Variants in ACTN4 observed in about 807,000 individuals in gnomAD.
ACTN4 encodes alpha-actinin-4.
Under a neutral mutation model 114.2 loss-of-function variants are expected in ACTN4, and 18 were observed. That is an observed-to-expected ratio of 0.16 (90% CI 0.11 to 0.23). ACTN4 has a LOEUF of 0.23. ACTN4 is among the 10% of genes least tolerant of loss of function. The probability of loss-of-function intolerance (pLI) is 1.00; values close to 1 mark genes in which losing one functional copy is unlikely to be tolerated. For synonymous variants in ACTN4, 515 were observed against 506.3 expected, an observed-to-expected ratio of 1.02 and a Z score of -0.23; for missense variants, 722 against 1,262.9, an observed-to-expected ratio of 0.57 and a Z score of 6.49.
chr19:38,671,900 GCCTTGAGT>G (rs1441149010), intron 1 of ACTN4, among the ~76,000 whole-genome samples: 1 of 152,182 alleles, frequency 6.6e-6, no homozygotes, highest in Non-Finnish European at 1.5e-5. Context: ...TCTCAGGCTG[GCCTTGAGT>G]CCTTAGATGT....
In ACTN4 at chr19:38,724,101, C is replaced by T; in HGVS notation, c.1692+24C>T. On this transcript the variant is annotated intron_variant, in intron 14 of 20. Coordinates refer to ENST00000252699, the MANE Select transcript of ACTN4 (RefSeq NM_004924.6). The surrounding 1 kb of genome is among the most constrained non-coding windows in gnomAD (Gnocchi z 7.0). ...AGGTTCGCACCCCCCGGCCCCCCAT[C>T]TTCCCAAGAGCCTCTGTGGGGCTGG... 6.2e-7 allele frequency: 1 copy of T among 1,613,690 alleles called. No homozygotes were observed.
chr19:38,708,064 A>G (rs1968519079), intron 5 of ACTN4, 53 bp from the exon 6 acceptor site: 1 of 1,558,974 alleles, frequency 6.4e-7, no homozygotes, highest in Admixed American at 1.7e-5. Context: ...GCCATACGGC[A>G]CTCTCATGAC....
At chr19:38,676,314 A>T (rs1967372808) in intron 1 of ACTN4, among the ~76,000 whole-genome samples, 1 of 152,258 alleles carries the variant, frequency 6.6e-6, no homozygotes, top group African/African-American at 2.4e-5. Context: ...TCCTGGAAGT[A>T]AGATTCCTGG....
At position 38,714,592 on chromosome 19, in the gene ACTN4, AC is replaced by A. The variant is rs768627203; in HGVS notation, c.912+33del. On this transcript the variant is annotated intron_variant, in intron 9 of 20. Transcript: ENST00000252699. ...TGTTCCCCCAGTGAAAGTCAGGGCC[AC>A]CTCATTATCCTCAGCCAGAGGTCAC... 3 of 1,604,632 alleles carry A rather than the reference AC, an allele frequency of 1.9e-6. No homozygotes were observed. The South Asian group carries it at 3.3e-5, about 18-fold the overall frequency.
chr19:38,714,322 G>A lies in ACTN4; in HGVS notation c.820-147G>A, dbSNP rs150457638. 118 of 759,132 alleles carry A rather than the reference G, an allele frequency of 1.6e-4. No individual in the cohort carries two copies. The African/African-American group carries it at 1.8e-3, about 11-fold the overall frequency. The allele number at this position is 759,132 out of a possible 1,614,324, so 47.0% of individuals were successfully genotyped here. ...ATGCCAACAAGGCCTATTGGGACAG[G>A]GCACCATCTCACTGGAGCTGTGCTT... On this transcript the variant is annotated intron_variant, in intron 8 of 20. Coordinates refer to ENST00000252699, the MANE Select transcript of ACTN4 (RefSeq NM_004924.6).
chr19:38,705,401 GC>G (rs1364854845), intron 4 of ACTN4, among the ~76,000 whole-genome samples: 3 of 152,116 alleles, frequency 2.0e-5, no homozygotes, highest in Non-Finnish European at 4.4e-5. Context: ...TTGAAACTTG[GC>G]CCCCATGGAC....
At chr19:38,726,751 C>T (rs1969245405) in intron 17 of ACTN4, among the ~76,000 whole-genome samples, 1 of 152,208 alleles carries the variant, frequency 6.6e-6, no homozygotes, top group South Asian at 2.1e-4. Flanking sequence ...TTCTGCTGCC[C>T]CTGTAGCTGG....
In ACTN4 at chr19:38,671,871, A is replaced by G. The variant is rs115628099; in HGVS notation, c.162+23964A>G. ...CTGTTACCTCTGCACTGGCTTGAGT[A>G]TTTCCTGGCTCAATTGTTTCTCAGG... On this transcript the variant is annotated intron_variant, in intron 1 of 20. Coordinates refer to ENST00000252699, the MANE Select transcript of ACTN4 (RefSeq NM_004924.6). 3.9e-3 allele frequency among the ~76,000 whole-genome samples: 596 copies of G among 152,276 alleles called. 4 individuals are homozygous for G. The highest frequency in any genetic ancestry group is 0.014 in the African/African-American group (564 of 41,552).
intron 1 of ACTN4, among the ~76,000 whole-genome samples, chr19:38,691,415 C>CA (rs889715204): frequency 6.5e-4 from 47 of 71,796 alleles, no homozygotes; most frequent in African/African-American, 8.8e-4. Flanking sequence ...AAAAAAAAAA[C>CA]AAAAAAAACA....
chr19:38,714,596 C>T (rs778400616), intron 9 of ACTN4, 35 bp downstream of exon 9: 18 of 1,599,314 alleles, frequency 1.1e-5, no homozygotes, highest in Admixed American at 1.7e-5. Context: ...AGGGCCACCT[C>T]ATTATCCTCA....
chr19:38,726,287 C>CAA (rs971240285), intron 17 of ACTN4, among the ~76,000 whole-genome samples: 25 of 61,008 alleles, frequency 4.1e-4, no homozygotes, highest in Admixed American at 1.1e-3. Context: ...GACTCTGTCT[C>CAA]AAAAAAAAAA....
intron 1 of ACTN4, among the ~76,000 whole-genome samples, chr19:38,686,586 A>C (rs1260506305): frequency 1.3e-5 from 2 of 152,184 alleles, no homozygotes; most frequent in Non-Finnish European, 2.9e-5. Flanking sequence ...TGTTAAAGGT[A>C]GTTATTTCAA....
At position 38,706,137 on chromosome 19, in the gene ACTN4, C is replaced by T. The variant is rs774586070; in HGVS notation, c.572+6C>T. ...GTGCAGAACTTCCACATCAGGTAAG[C>T]GCCAGTCCTGGTCATCCTCTCCTTT... On this transcript the variant is annotated splice_donor_region_variant and intron_variant, in intron 5 of 20. Transcript: ENST00000252699. 1.6e-5 allele frequency: 26 copies of T among 1,612,864 alleles called. No homozygotes were observed. The highest frequency in any genetic ancestry group is 2.1e-5 in the Non-Finnish European group (25 of 1,178,992).
rs572993860 is a variant in ACTN4 at position 38,667,211 on chromosome 19, A to G, written c.162+19304A>G. Among the ~76,000 whole-genome samples, 10 of 152,304 alleles carry G rather than the reference A, an allele frequency of 6.6e-5. No individual in the cohort carries two copies. The South Asian group carries it at 2.1e-3, about 32-fold the overall frequency. On this transcript the variant is annotated intron_variant, in intron 1 of 20. Coordinates refer to ENST00000252699, the MANE Select transcript of ACTN4 (RefSeq NM_004924.6). ...CTGCCTTAAAGAGCCTTTACAGGAA[A>G]TTGACTGCAAACAGTATTGGTGACC...
At chr19:38,680,789 C>G (rs1216524598) in intron 1 of ACTN4, among the ~76,000 whole-genome samples, 2 of 152,038 alleles carry the variant, frequency 1.3e-5, no homozygotes, top group East Asian at 1.9e-4. Flanking sequence ...CTCTTTATTC[C>G]TACCATTGTC....
rs900553873 is a variant in ACTN4 at position 38,724,742 on chromosome 19, G to A, written c.2010+177G>A. The stretch of plus-strand genomic sequence containing the variant: ...GGTTAGGAGAGTCCACAGAGCTTGC[G>A]CCTGGAATCCCGGCACCTGGGGAGG... On this transcript the variant is annotated intron_variant, in intron 16 of 20. Transcript: ENST00000252699. The surrounding 1 kb of genome is among the most constrained non-coding windows in gnomAD (Gnocchi z 7.0). Among the ~76,000 whole-genome samples, 7 of 152,226 alleles carry A rather than the reference G, an allele frequency of 4.6e-5. No homozygotes were observed. The highest frequency in any genetic ancestry group is 2.1e-4 in the South Asian group (1 of 4,836).
Position 38,648,052 on chromosome 19 carries a change from T to C in ACTN4, c.162+145T>C, listed in dbSNP as rs925629363. The C allele has an allele frequency of 2.5e-5, 26 of 1,021,458 alleles. No individual in the cohort carries two copies. In the African/African-American group the frequency reaches 4.1e-4, roughly 16 times the overall value. The allele number at this position is 1,021,458 out of a possible 1,614,324, so 63.3% of individuals were successfully genotyped here. On this transcript the variant is annotated intron_variant, in intron 1 of 20. Coordinates refer to ENST00000252699, the MANE Select transcript of ACTN4 (RefSeq NM_004924.6). ...GAATTGGCGGGTCCGGGAAGGGAATTGGAGTCCTGAGGAGGAATCGCCGAG... is the reference window on the plus strand; with the variant it reads ...GAATTGGCGGGTCCGGGAAGGGAATCGGAGTCCTGAGGAGGAATCGCCGAG...
intron 1 of ACTN4, among the ~76,000 whole-genome samples, chr19:38,696,875 TGTCA>T (rs1413980446): frequency 2.0e-5 from 3 of 152,220 alleles, no homozygotes; most frequent in African/African-American, 2.4e-5. Context: ...GCTTTGCCTG[TGTCA>T]GTCAGGAAGA....
intron 1 of ACTN4, among the ~76,000 whole-genome samples, chr19:38,698,069 G>A (rs928596398): frequency 6.6e-6 from 1 of 152,168 alleles, no homozygotes; most frequent in Non-Finnish European, 1.5e-5. Context: ...GGGTTGCTAC[G>A]GGAGAGGTGC....
Sources: gnomAD v4.1 joint callset for allele counts (sites outside exome capture counted in the v4.1 genomes callset) on GRCh38, gnomAD v4.1.1 for gene constraint, Gnocchi (gnomAD v3.1) non-coding constraint, MANE v1.5 for transcripts, NCBI Gene and HGNC (gene_info 2026-07-23, HGNC 2026-07-21) for gene names.